The following NTPCR variants were observed in gnomAD, a reference collection of about 807,000 sequenced individuals.
NTPCR encodes the protein nucleoside-triphosphatase, cancer-related, also known as cancer-related nucleoside-triphosphatase.
Under a neutral mutation model 19.5 loss-of-function variants are expected in NTPCR, and 15 were observed. The ratio of observed to expected loss-of-function variants is 0.77; its 90% confidence interval spans 0.51 to 1.18. The LOEUF is 1.18. NTPCR is among the 50% of genes most tolerant of loss of function. The probability of loss-of-function intolerance (pLI) is 0.00; values close to 1 mark genes in which losing one functional copy is unlikely to be tolerated. For synonymous variants in NTPCR, 90 were observed against 95.8 expected, an observed-to-expected ratio of 0.94 and a Z score of 0.36; for missense variants, 206 against 240.4, an observed-to-expected ratio of 0.86 and a Z score of 0.95.
At chr1:232,959,501 C>T (rs1668609109) in intron 3 of NTPCR, among the ~76,000 whole-genome samples, 1 of 152,036 alleles carries the variant, frequency 6.6e-6, no homozygotes, top group South Asian at 2.1e-4. Flanking sequence ...AAATTTTTCT[C>T]CCATCATACA....
intron 3 of NTPCR, chr1:232,964,007 T>C (rs1223000314): frequency 6.6e-6 from 1 of 152,162 alleles, no homozygotes; most frequent in Non-Finnish European, 1.5e-5. Context: ...ATCAATACAG[T>C]TATCAACCTC....
At chr1:232,961,230 G>A (rs1668661952) in intron 3 of NTPCR, among the ~76,000 whole-genome samples, 1 of 152,220 alleles carries the variant, frequency 6.6e-6, no homozygotes, top group Non-Finnish European at 1.5e-5. Context: ...TTGCAACAAA[G>A]CACCCTTTAT....
chr1:232,975,515 G>A (rs184546597), intron 4 of NTPCR, among the ~76,000 whole-genome samples: 1 of 152,188 alleles, frequency 6.6e-6, no homozygotes, highest in Admixed American at 6.5e-5. Flanking sequence ...CTATGTGCAA[G>A]AAAGCAAAAC....
At chr1:232,976,610 C>T in intron 4 of NTPCR, 1 of 1,426,768 alleles carries the variant, frequency 7.0e-7, no homozygotes, top group African/African-American at 1.4e-5. Context: ...TCCCATGAAG[C>T]CAAAGGAAAA....
chr1:232,952,370 C>T (rs374995086), intron 1 of NTPCR, among the ~76,000 whole-genome samples: 1 of 151,314 alleles, frequency 6.6e-6, no homozygotes, highest in East Asian at 2.0e-4. Flanking sequence ...CCACCACACC[C>T]GGGTATTTTT....
At chr1:232,953,889 A>G (rs901370444) in intron 1 of NTPCR, among the ~76,000 whole-genome samples, 1 of 152,158 alleles carries the variant, frequency 6.6e-6, no homozygotes, top group Non-Finnish European at 1.5e-5. Flanking sequence ...CTGTGTATTT[A>G]TGTGCTATTA....
intron 3 of NTPCR, among the ~76,000 whole-genome samples, chr1:232,960,048 TAAAAAC>T (rs1189358658): frequency 6.6e-6 from 1 of 151,370 alleles, no homozygotes; most frequent in East Asian, 2.0e-4. Flanking sequence ...CAGTATCTAC[TAAAAAC>T]AAAAACAAAA....
intron 3 of NTPCR, among the ~76,000 whole-genome samples, chr1:232,956,701 A>T (rs887987600): frequency 2.0e-5 from 3 of 152,214 alleles, no homozygotes; most frequent in African/African-American, 7.2e-5. Flanking sequence ...ATTCCCAAAG[A>T]TAAGTCTTTC....
chr1:232,968,436 T>C (rs934161597), intron 3 of NTPCR: 14 of 152,246 alleles, frequency 9.2e-5, no homozygotes, highest in African/African-American at 3.1e-4. Context: ...CACTATCTTA[T>C]CTTGTCTATT....
At chr1:232,951,245 AT>A (rs1668357548) in intron 1 of NTPCR, 1 of 152,532 alleles carries the variant, frequency 6.6e-6, no homozygotes. Flanking sequence ...ATCTAAGTTC[AT>A]CCCCCCACCC....
At chr1:232,953,067 C>T (rs1259423605) in intron 1 of NTPCR, among the ~76,000 whole-genome samples, 1 of 152,198 alleles carries the variant, frequency 6.6e-6, no homozygotes, top group African/African-American at 2.4e-5. Context: ...CTTGCCCTGA[C>T]TTGTCCCTTA....
intron 1 of NTPCR, chr1:232,951,041 T>C (rs902704936): frequency 7.4e-6 from 3 of 403,062 alleles, no homozygotes; most frequent in South Asian, 4.6e-5. Flanking sequence ...TACTGTAGTG[T>C]TGACGTTGTG....
At chr1:232,952,462 G>A (rs1035387804) in intron 1 of NTPCR, among the ~76,000 whole-genome samples, 20 of 151,694 alleles carry the variant, frequency 1.3e-4, no homozygotes, top group Non-Finnish European at 2.9e-5. Flanking sequence ...TCCCATCTGG[G>A]CCTCCCAAAA....
intron 4 of NTPCR, among the ~76,000 whole-genome samples, chr1:232,973,221 T>C (rs1669031666): frequency 6.6e-6 from 1 of 152,112 alleles, no homozygotes; most frequent in Non-Finnish European, 1.5e-5. Context: ...TACTTTCCAA[T>C]GAATATGCAT....
intron 4 of NTPCR, among the ~76,000 whole-genome samples, chr1:232,974,119 T>G (rs560260079): frequency 2.0e-5 from 3 of 152,184 alleles, no homozygotes; most frequent in Admixed American, 2.0e-4. Flanking sequence ...GTCAAACTTA[T>G]GAAAATTAAA....
Position 232,955,541 on chromosome 1 carries a change from T to TTA in NTPCR, c.35-15_35-14insAT. 6.7e-7 allele frequency: 1 copy of TTA among 1,489,594 alleles called. No homozygotes were observed. 92.3% of individuals were successfully genotyped at this position (1,489,594 alleles called of 1,614,324 possible). ...AATGGGCTTTTCTTCTTTTTTTTTT[T>TTA]TTTTTTTTATTTTAGGAGTTGGAAA... On this transcript the variant is annotated splice_polypyrimidine_tract_variant and intron_variant, in intron 1 of 4. Transcript: ENST00000366628.
At chr1:232,954,154 C>T (rs1252393944) in intron 1 of NTPCR, among the ~76,000 whole-genome samples, 1 of 152,190 alleles carries the variant, frequency 6.6e-6, no homozygotes, top group African/African-American at 2.4e-5. Flanking sequence ...TCTTTAGTGA[C>T]TTTCCTAAAG....
At chr1:232,965,241 T>C (rs1378305657) in intron 3 of NTPCR, 1 of 152,246 alleles carries the variant, frequency 6.6e-6, no homozygotes, top group Non-Finnish European at 1.5e-5. Context: ...GTTAGGTCAG[T>C]TTCCTAGATG....
intron 1 of NTPCR, among the ~76,000 whole-genome samples, chr1:232,952,000 TC>T (rs1261110404): frequency 3.9e-5 from 6 of 152,210 alleles, no homozygotes; most frequent in African/African-American, 1.2e-4. Context: ...TTCTGCTTTA[TC>T]AAAGTCTTAC....
Sources: allele counts gnomAD v4.1 joint callset (sites outside exome capture counted in the v4.1 genomes callset), GRCh38; gene constraint gnomAD v4.1.1; transcripts MANE v1.5; gene names NCBI Gene and HGNC (gene_info 2026-07-23, HGNC 2026-07-21).